FGFR1: variants seen among roughly 807,000 people sequenced by gnomAD.
FGFR1 encodes the protein FGFR1/PLAG1 fusion.
Under a neutral mutation model 93.7 loss-of-function variants are expected in FGFR1, and 18 were observed. That is an observed-to-expected ratio of 0.19 (90% confidence interval 0.13 to 0.28). The LOEUF (loss-of-function observed/expected upper bound fraction) is 0.28, where lower values mean the gene tolerates loss of function less well. Among genes scored for constraint, FGFR1 ranks in the 10% least tolerant of loss-of-function variants. The probability of loss-of-function intolerance (pLI) is 1.00; values close to 1 mark genes in which losing one functional copy is unlikely to be tolerated. For missense variants in FGFR1, 731 were observed against 1,080.4 expected, an observed-to-expected ratio of 0.68 and a Z score of 4.53; for synonymous variants, 448 against 429.3, an observed-to-expected ratio of 1.04 and a Z score of -0.54.
intron 2 of FGFR1, among the ~76,000 whole-genome samples, chr8:38,438,570 T>C (rs1030056374): frequency 8.6e-5 from 13 of 151,296 alleles, no homozygotes. Flanking sequence ...GGAATTATTA[T>C]CTTCAGAGGG....
intron 2 of FGFR1, among the ~76,000 whole-genome samples, chr8:38,431,054 T>G (rs556685680): frequency 6.6e-6 from 1 of 152,178 alleles, no homozygotes; most frequent in Non-Finnish European, 1.5e-5. Context: ...ACCACCCACA[T>G]CCCGCCCACA....
intron 2 of FGFR1, among the ~76,000 whole-genome samples, chr8:38,433,115 C>T (rs1823896100): frequency 6.6e-6 from 1 of 152,212 alleles, no homozygotes; most frequent in Middle Eastern, 3.4e-3. Flanking sequence ...AGGCAGGAGG[C>T]TCATTTGAGC....
chr8:38,428,398 A>G lies in FGFR1; in HGVS notation c.396T>C (p.Asp132=). 6 of 1,589,284 alleles carry G rather than the reference A, an allele frequency of 3.8e-6. No individual in the cohort carries two copies. Among genetic ancestry groups the G allele is most frequent in the Non-Finnish European group, 5.2e-6 (6 of 1,160,750 alleles). ...LPSSEDDDDD[D]DSSSEEKETD... ...TTTCTTTCTCCTCTGAAGAGGAGTCATCATCATCATCATCATCCTCCGAGG... is the reference window on the plus strand; with the variant it reads ...TTTCTTTCTCCTCTGAAGAGGAGTCGTCATCATCATCATCATCCTCCGAGG... The change falls in exon 4 of 18, where the codon GAT becomes GAC. Residue 132 remains aspartate, a synonymous_variant. Transcript: ENST00000447712.
At chr8:38,452,980 A>AAATT (rs202090422) in intron 2 of FGFR1, among the ~76,000 whole-genome samples, 1 of 152,202 alleles carries the variant, frequency 6.6e-6, no homozygotes, top group Non-Finnish European at 1.5e-5. Context: ...CGTCTCAAAT[A>AAATT]AATTAATTAA....
intron 2 of FGFR1, among the ~76,000 whole-genome samples, chr8:38,444,125 T>C (rs1231260611): frequency 6.6e-6 from 1 of 151,456 alleles, no homozygotes. Flanking sequence ...TTAAAAACGT[T>C]CTTACTTGGC....
chr8:38,467,403 C>A (rs1391910575), intron 1 of FGFR1, among the ~76,000 whole-genome samples: 1 of 152,148 alleles, frequency 6.6e-6, no homozygotes, highest in Admixed American at 6.5e-5. Context: ...TCTCCCACCC[C>A]ATCCGACCCC....
intron 2 of FGFR1, among the ~76,000 whole-genome samples, chr8:38,450,935 G>T (rs552869652): frequency 9.9e-5 from 15 of 152,260 alleles, no homozygotes; most frequent in African/African-American, 3.6e-4. Flanking sequence ...TTCTCTCACA[G>T]GCCGAGGGCT....
chr8:38,425,356 C>T (rs1820378571), intron 6 of FGFR1, among the ~76,000 whole-genome samples: 1 of 152,068 alleles, frequency 6.6e-6, no homozygotes, highest in Admixed American at 6.6e-5. Context: ...CTGTGTTGCC[C>T]AGGCTGGTCT....
intron 9 of FGFR1, 24 bp from the exon 10 acceptor site, chr8:38,418,397 C>T: frequency 6.2e-7 from 1 of 1,610,316 alleles, no homozygotes; most frequent in East Asian, 2.2e-5. Context: ...TGGGGTCACC[C>T]TAGAGCAAGG....
At chr8:38,433,318 C>CT (rs947126620) in intron 2 of FGFR1, among the ~76,000 whole-genome samples, 249 of 145,994 alleles carry the variant, frequency 1.7e-3, no homozygotes, top group South Asian at 3.5e-3. Context: ...GACAAAGACC[C>CT]TTTTTTTTTT....
At chr8:38,465,003 A>G (rs1835193942) in intron 1 of FGFR1, among the ~76,000 whole-genome samples, 1 of 152,140 alleles carries the variant, frequency 6.6e-6, no homozygotes, top group Non-Finnish European at 1.5e-5. Context: ...AAACCCATGG[A>G]TTTTCCTTGG....
Position 38,424,674 on chromosome 8 carries a change from C to G in FGFR1, c.771G>C (p.Leu257=). The G allele has an allele frequency of 6.2e-7, 1 of 1,612,134 alleles. No individual in the cohort carries two copies. The highest frequency in any genetic ancestry group is 8.5e-7 in the Non-Finnish European group (1 of 1,178,280). ...TTTTGTTGGCGGGCAACCCTGCTTG[C>G]AGGATGGGCCGGTGAGGGGACCGCT... is the stretch of plus-strand genomic sequence containing the variant. ...VVERSPHRPI[L]QAGLPANKTV... is the part of the protein sequence containing the mutation. Residue 257 remains leucine (L), a synonymous_variant, in exon 7 of 18, where the codon CTG becomes CTC. Coordinates refer to ENST00000447712, the MANE Select transcript of FGFR1 (RefSeq NM_023110.3). The surrounding 1 kb of genome is among the most constrained non-coding windows in gnomAD (Gnocchi z 4.3).
Position 38,468,106 on chromosome 8 carries a change from G to A in FGFR1, c.-214C>T, listed in dbSNP as rs1231082235. ...TGTTCGGGTCCTGGCGGGGTCGCAA[G>A]AGCTCCGCGGCCGGCGCTCGACTCC... is the stretch of plus-strand genomic sequence containing the variant. On this transcript the variant is annotated 5_prime_UTR_variant, in exon 1 of 18. Transcript: ENST00000447712. The A allele has an allele frequency of 4.4e-6, 1 of 225,848 alleles. No homozygotes were observed. The highest frequency in any genetic ancestry group is 6.2e-5 in the East Asian group (1 of 16,106). The allele number at this position is 225,848 out of a possible 1,614,324, so 14.0% of individuals were successfully genotyped here. A position where few individuals can be genotyped will look rare whatever the true frequency, so the allele number is the denominator to read the frequency against.
At chr8:38,458,235 C>A (rs1197033239) in intron 1 of FGFR1, among the ~76,000 whole-genome samples, 1 of 152,046 alleles carries the variant, frequency 6.6e-6, no homozygotes, top group Non-Finnish European at 1.5e-5. Context: ...GATGGCTCCC[C>A]AGCATAAGAC....
intron 1 of FGFR1, chr8:38,467,659 T>TC: frequency 8.6e-6 from 2 of 233,698 alleles, no homozygotes; most frequent in Non-Finnish European, 1.7e-5. Flanking sequence ...GGCCTGTCCC[T>TC]CCCGGGACTC....
At position 38,427,694 on chromosome 8, in the gene FGFR1, G is replaced by C. The variant is rs1472713176; in HGVS notation, c.621+227C>G. Among the ~76,000 whole-genome samples the C allele has an allele frequency of 2.8e-4, 42 of 152,070 alleles. 1 individual carries two copies. The highest frequency in any genetic ancestry group is 2.8e-3 in the Admixed American group (42 of 15,256). ...CTCATGTTAACAAATGACAAGGCAA[G>C]GAAATTACATACATGATGTGATCAA... On this transcript the variant is annotated intron_variant, in intron 5 of 17. Transcript: ENST00000447712.
At chr8:38,444,572 T>TTTTTTTTTTTGAG (rs1182367329) in intron 2 of FGFR1, among the ~76,000 whole-genome samples, 1 of 150,618 alleles carries the variant, frequency 6.6e-6, no homozygotes. Context: ...TTTTTTTTTT[T>TTTTTTTTTTTGAG]GTAGAGACAG....
intron 2 of FGFR1, among the ~76,000 whole-genome samples, chr8:38,437,656 T>C (rs1334273817): frequency 1.3e-5 from 2 of 152,102 alleles, no homozygotes; most frequent in South Asian, 2.1e-4. Context: ...CAGTGGGAGA[T>C]GAGGCCAGGC....
chr8:38,417,587 T>C lies in FGFR1; in HGVS notation c.1553-171A>G, dbSNP rs546920035. On this transcript the variant is annotated intron_variant, in intron 11 of 17. Coordinates refer to ENST00000447712, the MANE Select transcript of FGFR1 (RefSeq NM_023110.3). ...CCTCTCATGGGAGCCGTTGTTGCAA[T>C]AGGTGGTAGTGAGTGGGCAGGGATG... 7.4e-5 allele frequency: 55 copies of C among 738,554 alleles called. No individual in the cohort carries two copies. In the East Asian group the frequency reaches 1.2e-3, roughly 16 times the overall value. The allele number at this position is 738,554 out of a possible 1,614,324, so 45.8% of individuals were successfully genotyped here. A position where few individuals can be genotyped will look rare whatever the true frequency, so the allele number is the denominator to read the frequency against.
Sources: allele counts gnomAD v4.1 joint callset (sites outside exome capture counted in the v4.1 genomes callset), GRCh38; gene constraint gnomAD v4.1.1; non-coding constraint Gnocchi (gnomAD v3.1); transcripts MANE v1.5; gene names NCBI Gene and HGNC (gene_info 2026-07-23, HGNC 2026-07-21).